The following NLRP8 variants were observed in gnomAD, a reference collection of about 807,000 sequenced individuals.
NLRP8 encodes NLR family pyrin domain containing 8.
In NLRP8, 86 loss-of-function variants were observed where a neutral mutation model predicts 88.7. The observed-to-expected ratio is 0.97, with a 90% CI of 0.81 to 1.16. The LOEUF is 1.16. Ranked by LOEUF, NLRP8 falls within the 50% of genes most tolerant of loss-of-function variation. The probability of loss-of-function intolerance (pLI) is 0.00; values close to 1 mark genes in which losing one functional copy is unlikely to be tolerated. For missense variants in NLRP8, 1,342 were observed against 1,286.5 expected (o/e 1.04, Z -0.66); for synonymous variants, 504 against 494.6 (o/e 1.02, Z -0.25).
chr19:55,971,277 T>C (rs931233852), intron 6 of NLRP8, among the ~76,000 whole-genome samples: 6 of 151,706 alleles, frequency 4.0e-5, no homozygotes, highest in Non-Finnish European at 7.4e-5. Context: ...CCATCTCTAC[T>C]AAAAATACAA....
Position 55,966,350 on chromosome 19 carries a change from G to A in NLRP8, c.2351G>A (p.Arg784Lys). The A allele has an allele frequency of 6.2e-7, 1 of 1,614,094 alleles. No individual in the cohort carries two copies. The highest frequency in any genetic ancestry group is 8.5e-7 in the Non-Finnish European group (1 of 1,179,966). ...GTGAAGCTTCTATGCAGGGTGCTGA[G>A]ATCCCCCCGGTGCCGTCTGCAGTGT... The change falls in exon 5 of 10, where the codon AGA (arginine) becomes AAA (lysine). Residue 784 changes from arginine (R) to lysine (K), a missense_variant. Transcript: ENST00000291971.
intron 5 of NLRP8, among the ~76,000 whole-genome samples, chr19:55,967,588 A>G (rs1321837758): frequency 6.6e-6 from 1 of 151,774 alleles, no homozygotes; most frequent in Non-Finnish European, 1.5e-5. Flanking sequence ...TTCTTTATCC[A>G]TTTGTCTGTT....
chr19:55,981,974 T>C (rs1339914608), intron 9 of NLRP8, among the ~76,000 whole-genome samples: 1 of 152,038 alleles, frequency 6.6e-6, no homozygotes, highest in Non-Finnish European at 1.5e-5. Context: ...TAATCTCGGC[T>C]CACTGCAACC....
chr19:55,977,336 T>A (rs953430327), intron 8 of NLRP8, among the ~76,000 whole-genome samples: 2 of 145,372 alleles, frequency 1.4e-5, no homozygotes, highest in Non-Finnish European at 3.0e-5. Context: ...TTATATATTA[T>A]ACATATAAGC....
chr19:55,957,743 G>A (rs1393139478), intron 3 of NLRP8, among the ~76,000 whole-genome samples: 6 of 137,110 alleles, frequency 4.4e-5, no homozygotes, highest in South Asian at 2.3e-4. Flanking sequence ...GTTGTTAAAC[G>A]TGTTAAAATC....
rs112479974 is a variant in NLRP8 at position 55,956,058 on chromosome 19, T to C, written c.2000T>C (p.Met667Thr). 6.2e-7 allele frequency: 1 copy of C among 1,614,076 alleles called. No homozygotes were observed. Among genetic ancestry groups the C allele is most frequent in the Non-Finnish European group, 8.5e-7 (1 of 1,179,960 alleles). The change falls in exon 3 of 10, where the codon ATG (methionine) becomes ACG (threonine). Residue 667 changes from methionine (M) to threonine (T), a missense_variant. By Grantham distance (81) the Met-to-Thr change is moderately conservative. Transcript: ENST00000291971. The stretch of plus-strand genomic sequence containing the variant: ...GAACTGACCGTCACCCTGAACTTCA[T>C]GAACGTGTGGAAGCTCAGCTCCAGC...
intron 8 of NLRP8, among the ~76,000 whole-genome samples, chr19:55,977,184 ATATATACG>A (rs1209121537): frequency 7.6e-6 from 1 of 131,970 alleles, no homozygotes; most frequent in African/African-American, 2.8e-5. Context: ...ACATATATAC[ATATATACG>A]TATATAAAGA....
rs1600316979 is a variant in NLRP8 at position 55,979,517 on chromosome 19, CT to C, written c.3002del (p.Leu1001CysfsTer24). ...CGATTGGAGTCTATGGTATTCTGAC[CT>C]TGTGCGAGGCCTTCTCAAGCCAAAA... On this transcript the variant is annotated frameshift_variant, in exon 9 of 10. Transcript: ENST00000291971. LOFTEE classifies it low-confidence loss of function (END_TRUNC). 1 of 1,614,210 alleles carries C rather than the reference CT, an allele frequency of 6.2e-7. No individual in the cohort carries two copies. The highest frequency in any genetic ancestry group is 2.2e-5 in the East Asian group (1 of 44,880).
intron 9 of NLRP8, among the ~76,000 whole-genome samples, chr19:55,986,508 ACT>A (rs1555759155): frequency 0.013 from 2,011 of 149,956 alleles, 47 homozygotes; most frequent in African/African-American, 0.044. Context: ...ACACACACAC[ACT>A]AATTGCTTCA....
intron 3 of NLRP8, 40 bp downstream of exon 3, chr19:55,956,140 C>A (rs754970152): frequency 1.3e-6 from 2 of 1,567,928 alleles, no homozygotes; most frequent in African/African-American, 1.4e-5. Flanking sequence ...CCGTCCTACC[C>A]GGAGGCCTTG....
chr19:55,970,106 A>G, intron 5 of NLRP8, among the ~76,000 whole-genome samples: 1 of 152,204 alleles, frequency 6.6e-6, no homozygotes, highest in East Asian at 1.9e-4. Context: ...CAAAGTTGCT[A>G]ATGGAGTAGA....
In NLRP8 at chr19:55,973,960, A is replaced by G. The variant is rs199475844; in HGVS notation, c.2705+138A>G. On this transcript the variant is annotated intron_variant, in intron 7 of 9. Transcript: ENST00000291971. ...TAGGCATGGTGCTAGCACTGAGGGG[A>G]AAAGCACAATAAAGAGGAGGGTTAT... 14 of 743,806 alleles carry G rather than the reference A, an allele frequency of 1.9e-5. No homozygotes were observed. In the East Asian group the frequency reaches 2.6e-4, roughly 14 times the overall value. The allele number at this position is 743,806 out of a possible 1,614,324, so 46.1% of individuals were successfully genotyped here.
intron 1 of NLRP8, among the ~76,000 whole-genome samples, chr19:55,951,213 A>C (rs1979079865): frequency 6.6e-6 from 1 of 152,238 alleles, no homozygotes; most frequent in Non-Finnish European, 1.5e-5. Context: ...AGCTTCCTTC[A>C]GGCAGGATTT....
At chr19:55,952,755 G>A in intron 2 of NLRP8, 143 bp downstream of exon 2, 1 of 638,496 alleles carries the variant, frequency 1.6e-6, no homozygotes, top group Non-Finnish European at 2.7e-6. Flanking sequence ...GCGAAACTCT[G>A]TCTCTACTAA....
rs769168014 is a variant in NLRP8, at chr19:55,979,449, C to T, written c.2932C>T (p.Arg978Cys). The change falls in exon 9 of 10, where the codon CGC (arginine) becomes TGC (cysteine). Residue 978 changes from arginine (R) to cysteine (C), a missense_variant. Arg to Cys is a radical substitution (Grantham distance 180). Coordinates refer to ENST00000291971, the MANE Select transcript of NLRP8 (RefSeq NM_176811.2). Reference sequence around the variant, plus strand: ...CTGCCAGGCCATGGCTTCCATGCTCCGCAAAAACCAACATCTGAGACATCT... The same window carrying T: ...CTGCCAGGCCATGGCTTCCATGCTCTGCAAAAACCAACATCTGAGACATCT... 5.1e-5 allele frequency: 83 copies of T among 1,614,050 alleles called. No homozygotes were observed. The highest frequency in any genetic ancestry group is 3.7e-4 in the Admixed American group (22 of 60,004).
intron 4 of NLRP8, 76 bp downstream of exon 4, chr19:55,962,313 C>G: frequency 6.9e-7 from 1 of 1,452,514 alleles, no homozygotes; most frequent in South Asian, 1.3e-5. Context: ...TTCATTCCCT[C>G]TCCACTCACA....
chr19:55,960,048 C>G (rs917439878), intron 3 of NLRP8, among the ~76,000 whole-genome samples: 3 of 151,920 alleles, frequency 2.0e-5, no homozygotes, highest in Non-Finnish European at 4.4e-5. Context: ...CTAATAAAAA[C>G]TTGTTTAATC....
rs1266148112 is a variant in NLRP8 at position 55,952,425 on chromosome 19, ACT to A, written c.368-110_368-109del. 6.5e-5 allele frequency: 50 copies of A among 764,806 alleles called. No homozygotes were observed. The East Asian group carries it at 1.2e-3, about 18-fold the overall frequency. 47.4% of individuals were successfully genotyped at this position (764,806 alleles called of 1,614,324 possible). A position where few individuals can be genotyped will look rare whatever the true frequency, so the allele number is the denominator to read the frequency against. Reference sequence around the variant, plus strand: ...TGAACGGAGGTGGTGAGAGGATGAGACTCTGAAGCCATGTGGCTGCTTCTGTC... The same window carrying A: ...TGAACGGAGGTGGTGAGAGGATGAGACTGAAGCCATGTGGCTGCTTCTGTC... On this transcript the variant is annotated intron_variant, in intron 1 of 9. Coordinates refer to ENST00000291971, the MANE Select transcript of NLRP8 (RefSeq NM_176811.2).
intron 1 of NLRP8, among the ~76,000 whole-genome samples, chr19:55,949,252 T>G (rs765780903): frequency 3.9e-5 from 6 of 152,290 alleles, no homozygotes; most frequent in Non-Finnish European, 7.4e-5. Context: ...TTTTTTCTAT[T>G]TTGAGATGGA....
Sources: gnomAD v4.1 joint callset for allele counts (sites outside exome capture counted in the v4.1 genomes callset) on GRCh38, gnomAD v4.1.1 for gene constraint, MANE v1.5 for transcripts, NCBI Gene and HGNC (gene_info 2026-07-23, HGNC 2026-07-21) for gene names.